CTC1: variants seen among roughly 807,000 people sequenced by gnomAD.
CTC1 encodes the protein CST telomere replication complex component 1.
Under a neutral mutation model 136.3 loss-of-function variants are expected in CTC1, and 91 were observed. The observed-to-expected ratio is 0.67, with a 90% confidence interval of 0.56 to 0.79. The LOEUF is 0.79. CTC1 is among the 30% of genes least tolerant of loss of function. The probability of loss-of-function intolerance (pLI) is 0.00; values close to 1 mark genes in which losing one functional copy is unlikely to be tolerated. For missense variants in CTC1, 1,432 were observed against 1,498.1 expected, an observed-to-expected ratio of 0.96 and a Z score of 0.73; for synonymous variants, 606 against 613.8, an observed-to-expected ratio of 0.99 and a Z score of 0.19.
At chr17:8,229,674 A>G (rs1218168409) in intron 18 of CTC1, among the ~76,000 whole-genome samples, 1 of 152,216 alleles carries the variant, frequency 6.6e-6, no homozygotes, top group African/African-American at 2.4e-5. Context: ...GCATGTTAAG[A>G]CTGAAAAGCC....
intron 12 of CTC1, 61 bp from the exon 13 acceptor site, chr17:8,232,288 C>T (rs1047801720): frequency 6.4e-7 from 1 of 1,562,178 alleles, no homozygotes; most frequent in Admixed American, 2.0e-5. Context: ...TTTTGGTCCC[C>T]AGCATCCCAC....
chr17:8,234,736 C>G lies in CTC1; in HGVS notation c.1617+13G>C, dbSNP rs761792949. ...CAGTGTTCTGCCACCATCCTTCCCC[C>G]ACATCCTCATACTTTCTGGAGGGGA... On this transcript the variant is annotated intron_variant, in intron 9 of 22. Coordinates refer to ENST00000651323, the MANE Select transcript of CTC1 (RefSeq NM_025099.6). 11 of 1,582,398 alleles carry G rather than the reference C, an allele frequency of 7.0e-6. No homozygotes were observed. The highest frequency in any genetic ancestry group is 8.6e-6 in the Non-Finnish European group (10 of 1,162,354).
intron 2 of CTC1, among the ~76,000 whole-genome samples, chr17:8,242,560 ATAT>A (rs1988359179): frequency 1.2e-5 from 1 of 80,850 alleles, no homozygotes; most frequent in African/African-American, 3.8e-5. Context: ...AAAAATATAT[ATAT>A]ATATATATAT....
chr17:8,231,256 G>A lies in CTC1; in HGVS notation c.2669+20C>T. The A allele has an allele frequency of 6.7e-7, 1 of 1,492,890 alleles. No homozygotes were observed. Among genetic ancestry groups the A allele is most frequent in the African/African-American group, 1.4e-5 (1 of 70,946 alleles). The allele number at this position is 1,492,890 out of a possible 1,614,324, so 92.5% of individuals were successfully genotyped here. ...AGAGAGAGTGGCCAAATTAACCAGAGGGGCTTGGTGGACATTTACTTGTCA... is the reference window on the plus strand; with the variant it reads ...AGAGAGAGTGGCCAAATTAACCAGAAGGGCTTGGTGGACATTTACTTGTCA... On this transcript the variant is annotated intron_variant, in intron 15 of 22. Coordinates refer to ENST00000651323, the MANE Select transcript of CTC1 (RefSeq NM_025099.6).
intron 2 of CTC1, among the ~76,000 whole-genome samples, chr17:8,239,099 A>T (rs1433217117): frequency 2.0e-5 from 3 of 151,806 alleles, no homozygotes; most frequent in Non-Finnish European, 4.4e-5. Flanking sequence ...CAAAAAAAAA[A>T]AAAAAAAAAA....
chr17:8,231,322 T>C lies in CTC1; in HGVS notation c.2623A>G (p.Asn875Asp). The C allele has an allele frequency of 6.2e-7, 1 of 1,603,168 alleles. No individual in the cohort carries two copies. The highest frequency in any genetic ancestry group is 2.2e-5 in the East Asian group (1 of 44,474). The change falls in exon 15 of 23, where the codon AAC (asparagine) becomes GAC (aspartate). Residue 875 changes from asparagine (N) to aspartate (D), a missense_variant. Coordinates refer to ENST00000651323, the MANE Select transcript of CTC1 (RefSeq NM_025099.6). ...AGTGAGGATTCAGGCAATGACTTGT[T>C]TGCATCCAGCACATCTTGGATATCC... Reference protein sequence around the residue: ...SQDIQDVLDANKSLPESSLTD... With the variant: ...SQDIQDVLDADKSLPESSLTD...
chr17:8,232,010 CG>C lies in CTC1; in HGVS notation c.2277del (p.Ala760ProfsTer61). On this transcript the variant is annotated frameshift_variant, in exon 13 of 23. Transcript: ENST00000651323. LOFTEE classifies it high-confidence loss of function. ...PPGASPEVPK[P>X]ALSFYVLGSW... Reference sequence around the variant, plus strand: ...CTCCCCAACACATAGAAACTGAGGGCGGGCTTGGGCACCTCTGGACTTGCTC... The same window carrying C: ...CTCCCCAACACATAGAAACTGAGGGCGGCTTGGGCACCTCTGGACTTGCTC... The C allele has an allele frequency of 6.2e-7, 1 of 1,602,132 alleles. No individual in the cohort carries two copies. Among genetic ancestry groups the C allele is most frequent in the Non-Finnish European group, 8.5e-7 (1 of 1,174,972 alleles).
intron 1 of CTC1, among the ~76,000 whole-genome samples, chr17:8,244,639 T>C (rs1988532751): frequency 6.6e-6 from 1 of 151,988 alleles, no homozygotes; most frequent in South Asian, 2.1e-4. Flanking sequence ...GATTCTCCTG[T>C]CTCAGCCTCC....
intron 2 of CTC1, 22 bp downstream of exon 2, chr17:8,242,963 C>A (rs769618102): frequency 1.3e-6 from 2 of 1,593,244 alleles, no homozygotes; most frequent in East Asian, 4.5e-5. Context: ...GCCCAGCCCC[C>A]GCAACCGCCA....
At chr17:8,238,791 C>T (rs1299257674) in intron 2 of CTC1, among the ~76,000 whole-genome samples, 162 bp from the exon 3 acceptor site, 1 of 152,062 alleles carries the variant, frequency 6.6e-6, no homozygotes, top group Non-Finnish European at 1.5e-5. Flanking sequence ...GGGCTAAAGG[C>T]CTAAGAAAAT....
intron 18 of CTC1, 57 bp downstream of exon 18, chr17:8,229,834 T>G: frequency 1.5e-6 from 2 of 1,378,820 alleles, no homozygotes; most frequent in Non-Finnish European, 2.1e-6. Context: ...ACCAGGGACA[T>G]GTGGGAGATG....
At position 8,234,738 on chromosome 17, in the gene CTC1, C is replaced by T. The variant is rs114425026; in HGVS notation, c.1617+11G>A. On this transcript the variant is annotated intron_variant, in intron 9 of 22. Transcript: ENST00000651323. ...GTGTTCTGCCACCATCCTTCCCCCACATCCTCATACTTTCTGGAGGGGACA... is the reference window on the plus strand; with the variant it reads ...GTGTTCTGCCACCATCCTTCCCCCATATCCTCATACTTTCTGGAGGGGACA... 9.3e-4 allele frequency: 1,479 copies of T among 1,582,376 alleles called. 11 individuals are homozygous for T. In the African/African-American group the frequency reaches 0.018, roughly 19 times the overall value.
rs1987117592 is a variant in CTC1, at chr17:8,230,445, A to G, written c.2782T>C (p.Cys928Arg). 1 of 1,613,984 alleles carries G rather than the reference A, an allele frequency of 6.2e-7. No homozygotes were observed. Among genetic ancestry groups the G allele is most frequent in the East Asian group, 2.2e-5 (1 of 44,870 alleles). Residue 928 changes from cysteine (C) to arginine (R), a missense_variant, in exon 17 of 23, where the codon TGT (cysteine) becomes CGT (arginine). By Grantham distance (180) the Cys-to-Arg change is radical. Coordinates refer to ENST00000651323, the MANE Select transcript of CTC1 (RefSeq NM_025099.6). The part of the protein sequence containing the change: ...KLGNTGAMRR[C>R]VKLTVALETA... ...TCAAGAGCGACTGTTAGCTTCACAC[A>G]CCTTCTCATGGCCCCCGTGTTCCCT...
In CTC1 at chr17:8,228,607, G is replaced by C. The variant is rs776568961; in HGVS notation, c.3410C>G (p.Pro1137Arg). The change falls in exon 22 of 23, where the codon CCC (proline) becomes CGC (arginine). Residue 1137 changes from proline to arginine, a missense_variant. Physicochemically the swap from Pro to Arg is moderately radical, Grantham distance 103 (BLOSUM62 -2). Transcript: ENST00000651323. ...AAGTGTCCAGAGGAACATGGTCATGGGCTCGTCAACCCTGGCTGAAGACTA... is the reference window on the plus strand; with the variant it reads ...AAGTGTCCAGAGGAACATGGTCATGCGCTCGTCAACCCTGGCTGAAGACTA... ...QLESSARVDE[P>R]MTMFLWTLCT... The C allele has an allele frequency of 1.2e-6, 2 of 1,614,192 alleles. No homozygotes were observed. The highest frequency in any genetic ancestry group is 1.7e-5 in the Admixed American group (1 of 60,012).
Position 8,234,526 on chromosome 17 carries a change from TG to T in CTC1, c.1746del (p.Ser583AlafsTer65), listed in dbSNP as rs1243056540. On this transcript the variant is annotated frameshift_variant, in exon 10 of 23. Coordinates refer to ENST00000651323, the MANE Select transcript of CTC1 (RefSeq NM_025099.6). LOFTEE classifies it high-confidence loss of function. ...GCCAGGCGGCGATTGAGTTGGCAGC[TG>T]GGCAGGTAGGAGGCCTCCGGGAGGG... ...LLPLPEASYLPSCQLNRRLAW... is the reference protein window; with the variant it reads ...LLPLPEASYLXSCQLNRRLAW... The T allele has an allele frequency of 3.8e-6, 6 of 1,561,248 alleles. No individual in the cohort carries two copies. The highest frequency in any genetic ancestry group is 4.3e-6 in the Non-Finnish European group (5 of 1,152,064).
intron 17 of CTC1, 31 bp from the exon 18 acceptor site, chr17:8,229,999 A>G: frequency 6.2e-7 from 1 of 1,603,138 alleles, no homozygotes; most frequent in Non-Finnish European, 8.5e-7. Context: ...GTGAGTGACC[A>G]GGAAGACAAG....
intron 2 of CTC1, among the ~76,000 whole-genome samples, chr17:8,241,746 G>A (rs564037801): frequency 3.6e-4 from 54 of 151,706 alleles, no homozygotes; most frequent in African/African-American, 1.2e-3. Flanking sequence ...CTAGCTATGT[G>A]GGAGGCTGAG....
intron 1 of CTC1, among the ~76,000 whole-genome samples, chr17:8,247,254 C>T (rs1400084315): frequency 6.6e-6 from 1 of 151,086 alleles, no homozygotes; most frequent in African/African-American, 2.4e-5. Flanking sequence ...CCTGCTCTAT[C>T]CTCCTGCCTT....
rs1480741548 is a variant in CTC1 at position 8,228,172 on chromosome 17, C to T, written c.*8G>A. 2.5e-6 allele frequency: 4 copies of T among 1,612,900 alleles called. No individual in the cohort carries two copies. The highest frequency in any genetic ancestry group is 4.5e-5 in the East Asian group (2 of 44,860). On this transcript the variant is annotated 3_prime_UTR_variant, in exon 23 of 23. Transcript: ENST00000651323. ...AGGAAGGACTCTCAGGCCATCCTTGCAGTTCAGTTAACAGGAGGAAGCAAG... is the reference window on the plus strand; with the variant it reads ...AGGAAGGACTCTCAGGCCATCCTTGTAGTTCAGTTAACAGGAGGAAGCAAG...
Sources: allele counts gnomAD v4.1 joint callset (sites outside exome capture counted in the v4.1 genomes callset), GRCh38; gene constraint gnomAD v4.1.1; transcripts MANE v1.5; gene names NCBI Gene and HGNC (gene_info 2026-07-23, HGNC 2026-07-21).